The following SSX2IP variants were observed in gnomAD, a reference collection of about 807,000 sequenced individuals.
SSX2IP encodes SSX family member 2 interacting protein, also known as afadin- and alpha-actinin-binding protein.
SSX2IP carries 55 observed loss-of-function variants against 84.9 expected under a neutral mutation model. That is an observed-to-expected ratio of 0.65 (90% CI 0.52 to 0.81). The LOEUF (loss-of-function observed/expected upper bound fraction) is 0.81. Among genes scored for constraint, SSX2IP ranks in the 30% least tolerant of loss-of-function variants. The pLI is 0.00. For synonymous variants in SSX2IP, 239 were observed against 234.7 expected (o/e 1.02, Z -0.17); for missense variants, 664 against 705.2 (o/e 0.94, Z 0.66).
At chr1:84,690,291 C>A (rs1038388590) in intron 1 of SSX2IP, 80 bp downstream of exon 1, 1 of 151,130 alleles carries the variant, frequency 6.6e-6, no homozygotes, top group African/African-American at 2.4e-5. Context: ...CGCGCGCCCG[C>A]CCCTTGCCGG....
chr1:84,676,839 CAGCCTTCTGAGT>C (rs1654420896), intron 1 of SSX2IP, among the ~76,000 whole-genome samples: 1 of 148,630 alleles, frequency 6.7e-6, no homozygotes, highest in Non-Finnish European at 1.5e-5. Flanking sequence ...TCTCCTGCCT[CAGCCTTCTGAGT>C]AGCTGGGATT....
chr1:84,656,130 G>C (rs112251395), intron 10 of SSX2IP, 125 bp from the exon 11 acceptor site: 14,927 of 1,032,372 alleles, frequency 0.014, 162 homozygotes, highest in Middle Eastern at 0.038. Context: ...GAATCAAAAA[G>C]TCAAATGAGA....
upstream of SSX2IP, chr1:84,690,647 T>TG (rs1329819500): frequency 6.6e-6 from 1 of 152,034 alleles, no homozygotes; most frequent in African/African-American, 2.4e-5. Flanking sequence ...ATTGGTCGGG[T>TG]GGGGGCCTCG....
In SSX2IP at chr1:84,658,457, A is replaced by G. The variant is rs1651452774; in HGVS notation, c.939T>C (p.Asp313=). The G allele has an allele frequency of 5.0e-6, 8 of 1,613,828 alleles. No homozygotes were observed. The highest frequency in any genetic ancestry group is 2.2e-5 in the South Asian group (2 of 91,026). The stretch of plus-strand genomic sequence containing the variant: ...TTAGTTCCCCGGCATCTTCTTCAAC[A>G]TCGGAAATAACCTACAAGCGGAGAG... ...VDDSTGTVIS[D]VEEDAGELSR... The change falls in exon 9 of 14, where the codon GAT becomes GAC. Residue 313 remains aspartate (D), a synonymous_variant. Coordinates refer to ENST00000342203, the MANE Select transcript of SSX2IP (RefSeq NM_001166293.2).
intron 8 of SSX2IP, 91 bp from the exon 9 acceptor site, chr1:84,658,559 G>C: frequency 1.4e-6 from 2 of 1,401,832 alleles, no homozygotes; most frequent in Non-Finnish European, 1.9e-6. Flanking sequence ...ATTACCAGAG[G>C]AAGCCACATC....
intron 1 of SSX2IP, among the ~76,000 whole-genome samples, chr1:84,684,375 G>A (rs942123195): frequency 2.6e-5 from 4 of 152,110 alleles, no homozygotes; most frequent in African/African-American, 9.7e-5. Context: ...CTTTCAATTA[G>A]AGAACACCAA....
At chr1:84,674,919 C>T (rs924243603) in intron 1 of SSX2IP, among the ~76,000 whole-genome samples, 4 of 152,090 alleles carry the variant, frequency 2.6e-5, no homozygotes, top group Non-Finnish European at 2.9e-5. Flanking sequence ...AGGGGACTTA[C>T]GACTCTTTAT....
intron 6 of SSX2IP, among the ~76,000 whole-genome samples, chr1:84,663,549 A>T (rs1037639511): frequency 6.6e-5 from 10 of 152,240 alleles, no homozygotes; most frequent in African/African-American, 1.9e-4. Context: ...TAAAGTATTC[A>T]GATACCTCCA....
rs776822184 is a variant in SSX2IP, at chr1:84,671,176, C to T, written c.43+1G>A. On this transcript the variant is annotated splice_donor_variant, in intron 2 of 13. Transcript: ENST00000342203. LOFTEE classifies it high-confidence loss of function. ...GTTTACAATTATTTAGACTTAATTA[C>T]CTGAAGACAGACCTGGATCTGTAAC... 13 of 1,610,194 alleles carry T rather than the reference C, an allele frequency of 8.1e-6. No individual in the cohort carries two copies. The African/African-American group carries it at 1.5e-4, about 18-fold the overall frequency.
intron 13 of SSX2IP, 89 bp from the exon 14 acceptor site, chr1:84,647,696 A>T (rs1649645154): frequency 9.4e-7 from 1 of 1,065,342 alleles, no homozygotes; most frequent in African/African-American, 1.6e-5. Flanking sequence ...CAAAAAAAAT[A>T]AGTTCCTTTT....
chr1:84,655,802 T>C (rs576185108), intron 11 of SSX2IP, 30 bp downstream of exon 11: 1 of 1,602,988 alleles, frequency 6.2e-7, no homozygotes, highest in African/African-American at 1.3e-5. Flanking sequence ...CCCCCAGTAT[T>C]TTCAAAAGCA....
chr1:84,678,002 T>C lies in SSX2IP; in HGVS notation c.-89-6694A>G, dbSNP rs536445694. ...TTGTTATGAAGCAACAGATAACTCA[T>C]ACAAGTTTTTAAGTATGTATATTAA... On this transcript the variant is annotated intron_variant, in intron 1 of 13. Transcript: ENST00000342203. Among the ~76,000 whole-genome samples, 14 of 152,340 alleles carry C rather than the reference T, an allele frequency of 9.2e-5. 1 individual carries two copies. The South Asian group carries it at 2.9e-3, about 32-fold the overall frequency.
At position 84,645,853 on chromosome 1, in the gene SSX2IP, G is replaced by A. The variant is rs967159620; in HGVS notation, c.*1580C>T. On this transcript the variant is annotated 3_prime_UTR_variant, in exon 14 of 14. Transcript: ENST00000342203. Reference sequence around the variant, plus strand: ...GACCATGCATCAAGCTGAAGGTAGTGACTAATGCTCAAGAGCTAGCTCTTT... The same window carrying A: ...GACCATGCATCAAGCTGAAGGTAGTAACTAATGCTCAAGAGCTAGCTCTTT... The A allele has an allele frequency of 1.3e-5, 2 of 152,130 alleles. No homozygotes were observed. Among genetic ancestry groups the A allele is most frequent in the South Asian group, 2.1e-4 (1 of 4,834 alleles). The allele number at this position is 152,130 out of a possible 1,614,324, so 9.4% of individuals were successfully genotyped here. A position where few individuals can be genotyped will look rare whatever the true frequency, so the allele number is the denominator to read the frequency against.
At chr1:84,650,256 C>A in intron 13 of SSX2IP, 106 bp downstream of exon 13, 1 of 1,164,986 alleles carries the variant, frequency 8.6e-7, no homozygotes, top group South Asian at 1.3e-5. Context: ...AATTCCTCTC[C>A]AAAATCTCTA....
chr1:84,662,119 A>G, intron 8 of SSX2IP, 79 bp downstream of exon 8: 1 of 955,952 alleles, frequency 1.0e-6, no homozygotes, highest in East Asian at 2.5e-5. Flanking sequence ...TAGTGTCCCC[A>G]TTGAGAATGC....
rs952513420 is a variant in SSX2IP, at chr1:84,644,561, T to C, written c.*2872A>G. On this transcript the variant is annotated 3_prime_UTR_variant, in exon 14 of 14. Transcript: ENST00000342203. ...AAATAACATGACTCATATTAGGCAA[T>C]ATACTTTGAAGATCTGTACAACATA... 10 of 152,330 alleles carry C rather than the reference T, an allele frequency of 6.6e-5. No homozygotes were observed. The highest frequency in any genetic ancestry group is 2.4e-4 in the African/African-American group (10 of 41,574). The allele number at this position is 152,330 out of a possible 1,614,324, so 9.4% of individuals were successfully genotyped here.
At chr1:84,688,402 T>C (rs925828772) in intron 1 of SSX2IP, among the ~76,000 whole-genome samples, 2 of 152,274 alleles carry the variant, frequency 1.3e-5, no homozygotes, top group Non-Finnish European at 1.5e-5. Context: ...GTAAAAGATA[T>C]GGAAAAAATA....
rs547783435 is a variant in SSX2IP at position 84,656,301 on chromosome 1, T to C, written c.1215+47A>G. ...ACAAATCTGGTAAGGTTCAGCACAA[T>C]TCTGGCTTTTCATGGAGAACAGCTT... On this transcript the variant is annotated intron_variant, in intron 10 of 13. Coordinates refer to ENST00000342203, the MANE Select transcript of SSX2IP (RefSeq NM_001166293.2). 1.0e-5 allele frequency: 16 copies of C among 1,585,782 alleles called. No homozygotes were observed. In the East Asian group the frequency reaches 2.7e-4, roughly 27 times the overall value.
At chr1:84,677,346 T>C (rs907669571) in intron 1 of SSX2IP, among the ~76,000 whole-genome samples, 1 of 152,148 alleles carries the variant, frequency 6.6e-6, no homozygotes, top group African/African-American at 2.4e-5. Flanking sequence ...AGCAAAAACA[T>C]CTTGTTTTTT....
Sources: allele counts gnomAD v4.1 joint callset (sites outside exome capture counted in the v4.1 genomes callset), GRCh38; gene constraint gnomAD v4.1.1; transcripts MANE v1.5; gene names NCBI Gene and HGNC (gene_info 2026-07-23, HGNC 2026-07-21).